Variants in MYO16 observed in about 807,000 individuals in gnomAD.
MYO16 encodes the protein unconventional myosin-XVI.
A neutral mutation model predicts 205.3 loss-of-function variants in MYO16; 94 were observed. The observed-to-expected ratio is 0.46, with a 90% confidence interval of 0.39 to 0.54. The LOEUF (loss-of-function observed/expected upper bound fraction) is 0.54. MYO16 is among the 20% of genes least tolerant of loss of function. MYO16 has a pLI of 0.00. For missense variants in MYO16, 2,315 were observed against 2,387.5 expected, an observed-to-expected ratio of 0.97 and a Z score of 0.63; for synonymous variants, 988 against 954.0, an observed-to-expected ratio of 1.04 and a Z score of -0.66.
chr13:108,905,676 C>T (rs138133738), intron 15 of MYO16, among the ~76,000 whole-genome samples: 22 of 152,282 alleles, frequency 1.4e-4, no homozygotes, highest in African/African-American at 5.3e-4. Flanking sequence ...CCAGGAAATA[C>T]AGTATTTTAT....
At chr13:108,672,269 A>G (rs559555332) in intron 2 of MYO16, among the ~76,000 whole-genome samples, 1 of 152,310 alleles carries the variant, frequency 6.6e-6, no homozygotes, top group Non-Finnish European at 1.5e-5. Context: ...TTTATCTTTA[A>G]GCTATTGAAA....
chr13:108,753,542 G>C (rs1885322732), intron 4 of MYO16, among the ~76,000 whole-genome samples: 1 of 152,094 alleles, frequency 6.6e-6, no homozygotes. Context: ...TTCTACAAGA[G>C]ATATGATCTC....
intron 9 of MYO16, among the ~76,000 whole-genome samples, chr13:108,838,023 TGAA>T (rs1162841112): frequency 1.3e-5 from 2 of 152,116 alleles, no homozygotes; most frequent in Non-Finnish European, 2.9e-5. Context: ...GATTGATAGA[TGAA>T]GAAAAATACA....
At chr13:108,653,639 A>T (rs1487517276) in intron 1 of MYO16, among the ~76,000 whole-genome samples, 1 of 151,862 alleles carries the variant, frequency 6.6e-6, no homozygotes, top group Admixed American at 6.6e-5. Context: ...CAGTTTTGAA[A>T]ACTGGTATCA....
At chr13:109,086,962 A>G (rs1381732171) in intron 27 of MYO16, among the ~76,000 whole-genome samples, 1 of 152,216 alleles carries the variant, frequency 6.6e-6, no homozygotes, top group Non-Finnish European at 1.5e-5. Flanking sequence ...ATTCACTGCT[A>G]CTAATGTTTA....
intron 7 of MYO16, among the ~76,000 whole-genome samples, chr13:108,807,595 A>G (rs1035419698): frequency 6.6e-6 from 1 of 152,044 alleles, no homozygotes; most frequent in Non-Finnish European, 1.5e-5. Context: ...GATGGATTGT[A>G]TGTTTTTAGG....
intron 16 of MYO16, among the ~76,000 whole-genome samples, chr13:108,932,793 C>T (rs202139738): frequency 1.4e-4 from 22 of 152,100 alleles, no homozygotes; most frequent in Admixed American, 2.6e-4. Context: ...GCCCCCTTTC[C>T]GCACTGGTCC....
At chr13:108,655,097 C>T (rs955886996) in intron 1 of MYO16, among the ~76,000 whole-genome samples, 1 of 151,798 alleles carries the variant, frequency 6.6e-6, no homozygotes, top group Non-Finnish European at 1.5e-5. Context: ...AACAAGCAGC[C>T]GAATGTTAAT....
intron 16 of MYO16, among the ~76,000 whole-genome samples, chr13:108,917,305 C>A (rs1028364894): frequency 6.6e-6 from 1 of 152,158 alleles, no homozygotes; most frequent in Non-Finnish European, 1.5e-5. Context: ...ACATTTGGCT[C>A]CTGCGTAGGG....
At chr13:108,760,245 C>T (rs1885561128) in intron 4 of MYO16, among the ~76,000 whole-genome samples, 1 of 152,172 alleles carries the variant, frequency 6.6e-6, no homozygotes, top group South Asian at 2.1e-4. Context: ...TTAGGCTGGA[C>T]CTATTTCTCA....
At chr13:108,948,618 G>A (rs1883027053) in intron 16 of MYO16, among the ~76,000 whole-genome samples, 1 of 152,242 alleles carries the variant, frequency 6.6e-6, no homozygotes, top group Admixed American at 6.5e-5. Flanking sequence ...AACAGTCAAT[G>A]TTTGTATTTG....
rs1353742255 is a variant in MYO16, at chr13:109,111,705, G to C, written c.3439-8665G>C. ...TGATTGTAGACTTTTTTTTTTTTTTGAGACGGAGTCTTGCTCTGTTGCCCA... is the reference window on the plus strand; with the variant it reads ...TGATTGTAGACTTTTTTTTTTTTTTCAGACGGAGTCTTGCTCTGTTGCCCA... On this transcript the variant is annotated intron_variant, in intron 28 of 34. Coordinates refer to ENST00000457511, the MANE Select transcript of MYO16 (RefSeq NM_001198950.3). Among the ~76,000 whole-genome samples, 13 of 107,012 alleles carry C rather than the reference G, an allele frequency of 1.2e-4. No individual in the cohort carries two copies. The South Asian group carries it at 3.1e-3, about 25-fold the overall frequency. 70.2% of individuals were successfully genotyped at this position (107,012 alleles called of 152,430 possible).
intron 34 of MYO16, among the ~76,000 whole-genome samples, chr13:109,187,059 T>C (rs933124161): frequency 2.0e-5 from 3 of 152,264 alleles, no homozygotes; most frequent in African/African-American, 7.2e-5. Flanking sequence ...TTTGCCAATA[T>C]GATAAATGTA....
At chr13:109,066,059 A>T (rs1887738921) in intron 27 of MYO16, among the ~76,000 whole-genome samples, 1 of 152,168 alleles carries the variant, frequency 6.6e-6, no homozygotes, top group Non-Finnish European at 1.5e-5. Flanking sequence ...TGCCTAAATG[A>T]CACAGTTGTT....
intron 27 of MYO16, among the ~76,000 whole-genome samples, chr13:109,095,034 A>T (rs277846): frequency 2.0e-5 from 3 of 152,064 alleles, no homozygotes; most frequent in Non-Finnish European, 4.4e-5. Flanking sequence ...TGCTCAGTCA[A>T]TACTGGTGAA....
At chr13:108,729,914 G>GC (rs1298632103) in intron 4 of MYO16, among the ~76,000 whole-genome samples, 1 of 152,162 alleles carries the variant, frequency 6.6e-6, no homozygotes, top group African/African-American at 2.4e-5. Context: ...AATATTGCAG[G>GC]AACAGCCCTG....
the MYO16 span, among the ~76,000 whole-genome samples, chr13:108,582,590 A>G: frequency 0.027 from 4,068 of 152,250 alleles, 174 homozygotes; most frequent in African/African-American, 0.091. Context: ...AGAAAACAGG[A>G]CAATTACCAA....
At chr13:108,845,194 ATCT>A (rs1053633289) in intron 10 of MYO16, among the ~76,000 whole-genome samples, 18 of 152,184 alleles carry the variant, frequency 1.2e-4, no homozygotes, top group Non-Finnish European at 2.1e-4. Flanking sequence ...TTTTCTAAAG[ATCT>A]TCTTCTTAAA....
intron 2 of MYO16, among the ~76,000 whole-genome samples, chr13:108,675,697 A>G (rs1341085952): frequency 2.0e-5 from 3 of 152,210 alleles, no homozygotes; most frequent in African/African-American, 7.2e-5. Context: ...TGAGTTTGGT[A>G]GGAAGAGAGA....
Sources: gnomAD v4.1 joint callset for allele counts (sites outside exome capture counted in the v4.1 genomes callset) on GRCh38, gnomAD v4.1.1 for gene constraint, MANE v1.5 for transcripts, NCBI Gene and HGNC (gene_info 2026-07-23, HGNC 2026-07-21) for gene names.